Variants in WNT7A observed in about 807,000 individuals in gnomAD.
WNT7A encodes the protein Wnt family member 7A, also known as protein Wnt-7a.
WNT7A carries 16 observed loss-of-function variants against 28.2 expected under a neutral mutation model. That is an observed-to-expected ratio of 0.57 (90% confidence interval 0.38 to 0.86). WNT7A has a LOEUF of 0.86. WNT7A is among the 40% of genes least tolerant of loss of function. The probability of loss-of-function intolerance (pLI) is 0.00; values close to 1 mark genes in which losing one functional copy is unlikely to be tolerated. For missense variants in WNT7A, 411 were observed against 489.7 expected, an observed-to-expected ratio of 0.84 and a Z score of 1.52; for synonymous variants, 190 against 195.9, an observed-to-expected ratio of 0.97 and a Z score of 0.25.
At chr3:13,830,486 G>A (rs1694264232) in intron 3 of WNT7A, among the ~76,000 whole-genome samples, 1 of 152,166 alleles carries the variant, frequency 6.6e-6, no homozygotes, top group African/African-American at 2.4e-5. Flanking sequence ...CATCCTCTGT[G>A]TGTGGCAGAA....
At chr3:13,831,291 G>A (rs1456330819) in intron 3 of WNT7A, among the ~76,000 whole-genome samples, 5 of 152,180 alleles carry the variant, frequency 3.3e-5, no homozygotes, top group South Asian at 2.1e-4. Context: ...TGCCTGACAC[G>A]AATGCACACA....
At chr3:13,834,337 G>A (rs1313637954) in intron 3 of WNT7A, among the ~76,000 whole-genome samples, 2 of 152,116 alleles carry the variant, frequency 1.3e-5, no homozygotes, top group South Asian at 2.1e-4. Flanking sequence ...GAGAGAAAAC[G>A]AGGTAGAGGA....
intron 2 of WNT7A, among the ~76,000 whole-genome samples, chr3:13,874,724 T>C (rs978022886): frequency 7.9e-6 from 1 of 126,470 alleles, no homozygotes; most frequent in African/African-American, 2.6e-5. Flanking sequence ...GGTCACTGGT[T>C]GCTGGTTTGC....
At chr3:13,821,975 C>T (rs932042062) in intron 3 of WNT7A, among the ~76,000 whole-genome samples, 1 of 152,156 alleles carries the variant, frequency 6.6e-6, no homozygotes, top group African/African-American at 2.4e-5. Context: ...AATCAATGGC[C>T]AACAAGCACA....
chr3:13,832,603 C>A (rs1694299502), intron 3 of WNT7A, among the ~76,000 whole-genome samples: 1 of 152,164 alleles, frequency 6.6e-6, no homozygotes, highest in Admixed American at 6.5e-5. Context: ...TTTCAGCCAG[C>A]TGCAGCTGTA....
intron 3 of WNT7A, among the ~76,000 whole-genome samples, chr3:13,842,981 A>G (rs1245552888): frequency 6.6e-6 from 1 of 152,176 alleles, no homozygotes; most frequent in African/African-American, 2.4e-5. Flanking sequence ...GGCTGCTCAC[A>G]AGGACTGAAA....
chr3:13,818,920 G>A lies in WNT7A; in HGVS notation c.*24C>T, dbSNP rs773811882. Reference sequence around the variant, plus strand: ...TCCTCCCAGCAATCTGACTTGCAGCGGGAGGGTGGTGTGCACACGGGGCTC... The same window carrying A: ...TCCTCCCAGCAATCTGACTTGCAGCAGGAGGGTGGTGTGCACACGGGGCTC... On this transcript the variant is annotated 3_prime_UTR_variant, in exon 4 of 4. Transcript: ENST00000285018. 30 of 1,549,024 alleles carry A rather than the reference G, an allele frequency of 1.9e-5. No homozygotes were observed. Among genetic ancestry groups the A allele is most frequent in the South Asian group, 8.7e-5 (7 of 80,510 alleles).
intron 2 of WNT7A, among the ~76,000 whole-genome samples, chr3:13,866,316 G>A (rs1694909302): frequency 1.3e-5 from 2 of 152,246 alleles, no homozygotes; most frequent in African/African-American, 4.8e-5. Flanking sequence ...CTTCCTGTGT[G>A]CCAGGCACAG....
chr3:13,828,590 A>G (rs543590498), intron 3 of WNT7A, among the ~76,000 whole-genome samples: 2 of 152,322 alleles, frequency 1.3e-5, no homozygotes, highest in South Asian at 2.1e-4. Context: ...TAAGCCACAC[A>G]TGGCATGGCG....
chr3:13,826,179 T>G (rs895844591), intron 3 of WNT7A, among the ~76,000 whole-genome samples: 3 of 152,212 alleles, frequency 2.0e-5, no homozygotes, highest in Non-Finnish European at 4.4e-5. Flanking sequence ...TGCTCCGGTT[T>G]TCTCTGAGCT....
intron 3 of WNT7A, among the ~76,000 whole-genome samples, chr3:13,835,509 C>T (rs1694352894): frequency 6.6e-6 from 1 of 152,252 alleles, no homozygotes. Context: ...TGGCTCTGGC[C>T]ACCCCCATGG....
chr3:13,844,691 G>C (rs771638515), intron 3 of WNT7A, among the ~76,000 whole-genome samples: 1 of 152,200 alleles, frequency 6.6e-6, no homozygotes, highest in Non-Finnish European at 1.5e-5. Context: ...CACACTGAAA[G>C]GAGGTAATTT....
chr3:13,873,976 A>T (rs185777769), intron 2 of WNT7A, among the ~76,000 whole-genome samples: 1 of 152,328 alleles, frequency 6.6e-6, no homozygotes, highest in East Asian at 1.9e-4. Flanking sequence ...GCGCAGTGAC[A>T]TGATCTGATT....
chr3:13,834,690 C>T (rs1464730708), intron 3 of WNT7A, among the ~76,000 whole-genome samples: 1 of 152,170 alleles, frequency 6.6e-6, no homozygotes. Context: ...CACATGGCTC[C>T]CTTCCTCAGT....
chr3:13,846,396 G>C, intron 3 of WNT7A, among the ~76,000 whole-genome samples: 1 of 152,172 alleles, frequency 6.6e-6, no homozygotes, highest in East Asian at 1.9e-4. Flanking sequence ...CCTGGATCTG[G>C]AGCTAGGCTG....
At chr3:13,870,120 C>T (rs1347041411) in intron 2 of WNT7A, among the ~76,000 whole-genome samples, 14 of 152,194 alleles carry the variant, frequency 9.2e-5, no homozygotes, top group Admixed American at 9.2e-4. Context: ...CTGCCTTCTC[C>T]CTAAAGCCTG....
At chr3:13,844,761 CT>C (rs1037029648) in intron 3 of WNT7A, among the ~76,000 whole-genome samples, 2 of 152,164 alleles carry the variant, frequency 1.3e-5, no homozygotes, top group Admixed American at 6.5e-5. Context: ...ACCTGGATTT[CT>C]CTTCAAAAGA....
chr3:13,861,493 T>C (rs1246861186), intron 2 of WNT7A, among the ~76,000 whole-genome samples: 3 of 152,252 alleles, frequency 2.0e-5, no homozygotes, highest in African/African-American at 7.2e-5. Flanking sequence ...AGTAGGATCA[T>C]GCCACTCCGT....
chr3:13,866,832 C>T (rs906419516), intron 2 of WNT7A, among the ~76,000 whole-genome samples: 1 of 152,042 alleles, frequency 6.6e-6, no homozygotes, highest in South Asian at 2.1e-4. Context: ...TGGATGGCTG[C>T]GTGGGTTGCA....
Sources: gnomAD v4.1 joint callset for allele counts (sites outside exome capture counted in the v4.1 genomes callset) on GRCh38, gnomAD v4.1.1 for gene constraint, MANE v1.5 for transcripts, NCBI Gene and HGNC (gene_info 2026-07-23, HGNC 2026-07-21) for gene names.